Variants in DUSP22 observed in about 807,000 individuals in gnomAD.
The protein encoded by DUSP22 is dual specificity protein phosphatase 22.
A neutral mutation model predicts 24.5 loss-of-function variants in DUSP22; 24 were observed. That is an observed-to-expected ratio of 0.98 (90% CI 0.71 to 1.38). The LOEUF (loss-of-function observed/expected upper bound fraction) is 1.38. Ranked by LOEUF, DUSP22 falls within the 40% of genes most tolerant of loss-of-function variation. The pLI, the probability that DUSP22 is intolerant of heterozygous loss-of-function variation, is 0.00. For missense variants in DUSP22, 330 were observed against 269.2 expected, an observed-to-expected ratio of 1.23 and a Z score of -1.58; for synonymous variants, 160 against 106.4, an observed-to-expected ratio of 1.50 and a Z score of -3.10.
At chr6:348,635 C>T (rs934685091) in intron 6 of DUSP22, 134 bp from the exon 7 acceptor site, 2 of 1,463,914 alleles carry the variant, frequency 1.4e-6, no homozygotes, top group Non-Finnish European at 1.9e-6. Flanking sequence ...CCACAGAGCT[C>T]TGATTTCCCA....
At chr6:308,809 G>A (rs1200188732) in intron 2 of DUSP22, among the ~76,000 whole-genome samples, 3 of 152,302 alleles carry the variant, frequency 2.0e-5, no homozygotes, top group African/African-American at 7.2e-5. Context: ...AAAGCTTTGT[G>A]AAAGGAGAAA....
intron 1 of DUSP22, among the ~76,000 whole-genome samples, 167 bp downstream of exon 1, chr6:292,727 C>T (rs1217608795): frequency 1.3e-5 from 2 of 152,388 alleles, no homozygotes; most frequent in East Asian, 1.9e-4. Flanking sequence ...AGTCGGGGTT[C>T]GGAGGTGTTC....
intron 4 of DUSP22, among the ~76,000 whole-genome samples, chr6:341,285 G>A (rs1299510542): frequency 1.0e-4 from 16 of 152,414 alleles, no homozygotes; most frequent in African/African-American, 3.8e-4. Context: ...CCGATGAAAC[G>A]GAGAGCAGGA....
intron 3 of DUSP22, among the ~76,000 whole-genome samples, chr6:324,583 A>C (rs1487406524): frequency 6.6e-6 from 1 of 152,304 alleles, no homozygotes; most frequent in East Asian, 1.9e-4. Flanking sequence ...CGTGGCACTC[A>C]CCACGTCCAG....
At position 348,285 on chromosome 6, in the gene DUSP22, C is replaced by A. The variant is rs1436581160; in HGVS notation, c.435+11C>A. ...CATGAGGTCCATCAGGTAAGCAGTT[C>A]TTAGGGGACATCAGAGATGCAGGCA... On this transcript the variant is annotated intron_variant, in intron 6 of 6. Coordinates refer to ENST00000419235, the MANE Select transcript of DUSP22 (RefSeq NM_001286555.3). 6.2e-7 allele frequency: 1 copy of A among 1,614,100 alleles called. No homozygotes were observed. The highest frequency in any genetic ancestry group is 1.7e-5 in the Admixed American group (1 of 60,026).
Position 348,838 on chromosome 6 carries a change from C to A in DUSP22, c.505C>A (p.Leu169Met). The A allele has an allele frequency of 6.2e-7, 1 of 1,614,324 alleles. No homozygotes were observed. Among genetic ancestry groups the A allele is most frequent in the Non-Finnish European group, 8.5e-7 (1 of 1,180,062 alleles). Residue 169 changes from leucine (L) to methionine (M), a missense_variant, in exon 7 of 7, where the codon CTG becomes ATG. Transcript: ENST00000419235. ...LQDAEEAKNILGKYKEQGRTE... is the reference protein window; with the variant it reads ...LQDAEEAKNIMGKYKEQGRTE... ...GGATGCAGAAGAAGCCAAAAACATTCTGGGTAAATATAAGGAGCAAGGGCG... is the reference window on the plus strand; with the variant it reads ...GGATGCAGAAGAAGCCAAAAACATTATGGGTAAATATAAGGAGCAAGGGCG...
chr6:297,520 A>T (rs983952423), intron 1 of DUSP22, among the ~76,000 whole-genome samples: 1 of 152,302 alleles, frequency 6.6e-6, no homozygotes, highest in Non-Finnish European at 1.5e-5. Flanking sequence ...ATTTCAGGAT[A>T]ATTACTTGTG....
intron 5 of DUSP22, among the ~76,000 whole-genome samples, chr6:346,206 C>T (rs1465708675): frequency 6.6e-6 from 1 of 152,300 alleles, no homozygotes; most frequent in Admixed American, 6.5e-5. Context: ...CAGAAACTTC[C>T]CTTTGCTGGC....
intron 1 of DUSP22, among the ~76,000 whole-genome samples, chr6:297,545 A>G (rs2127388736): frequency 6.6e-6 from 1 of 152,424 alleles, no homozygotes; most frequent in African/African-American, 2.4e-5. Context: ...TGCCATGTGG[A>G]TTATGAGAGG....
At chr6:294,010 C>T (rs1014820228) in intron 1 of DUSP22, among the ~76,000 whole-genome samples, 1 of 152,278 alleles carries the variant, frequency 6.6e-6, no homozygotes, top group Non-Finnish European at 1.5e-5. Flanking sequence ...CTCAGCTTTC[C>T]TTTGGCTGTT....
intron 2 of DUSP22, among the ~76,000 whole-genome samples, chr6:309,705 CACACACACACACAT>C (rs55675565): frequency 0.033 from 4,351 of 129,924 alleles, no homozygotes; most frequent in Admixed American, 0.078. Context: ...CACACACACA[CACACACACACACAT>C]ACTATAAAGA....
At position 350,027 on chromosome 6, in the gene DUSP22, T is replaced by G; in HGVS notation, c.*1076T>G. On this transcript the variant is annotated 3_prime_UTR_variant, in exon 7 of 7. Transcript: ENST00000419235. Reference sequence around the variant, plus strand: ...TTAGGCACTGTAGCAATTTGCATTTTAAAATGCCTGAGCATTTATTAAGCT... The same window carrying G: ...TTAGGCACTGTAGCAATTTGCATTTGAAAATGCCTGAGCATTTATTAAGCT... The G allele has an allele frequency of 3.0e-6, 3 of 985,680 alleles. No homozygotes were observed. The South Asian group carries it at 1.4e-4, about 46-fold the overall frequency. The allele number at this position is 985,680 out of a possible 1,614,324, so 61.1% of individuals were successfully genotyped here.
At chr6:314,766 G>A (rs1415476393) in intron 3 of DUSP22, among the ~76,000 whole-genome samples, 1 of 152,308 alleles carries the variant, frequency 6.6e-6, no homozygotes, top group Non-Finnish European at 1.5e-5. Context: ...AGACCCCCAT[G>A]GAACATGTCC....
At chr6:299,024 A>G (rs1359529156) in intron 1 of DUSP22, among the ~76,000 whole-genome samples, 1 of 152,298 alleles carries the variant, frequency 6.6e-6, no homozygotes, top group African/African-American at 2.4e-5. Context: ...GTGGGAGGCC[A>G]CTCAGGAACA....
intron 2 of DUSP22, among the ~76,000 whole-genome samples, chr6:305,753 G>C (rs1757790793): frequency 6.6e-6 from 1 of 152,302 alleles, no homozygotes; most frequent in African/African-American, 2.4e-5. Flanking sequence ...GGATGGGAGA[G>C]ACCTGGGAAG....
chr6:299,062 A>T (rs578104178), intron 1 of DUSP22, among the ~76,000 whole-genome samples: 2 of 152,426 alleles, frequency 1.3e-5, no homozygotes, highest in East Asian at 3.9e-4. Flanking sequence ...AAAGAGCAGC[A>T]GTTTCAGAGG....
At chr6:319,311 T>C (rs1268892315) in intron 3 of DUSP22, among the ~76,000 whole-genome samples, 1 of 152,308 alleles carries the variant, frequency 6.6e-6, no homozygotes, top group Non-Finnish European at 1.5e-5. Context: ...GAAGGTGATC[T>C]GTGTTTGGCT....
At chr6:334,881 T>G (rs1251094308) in intron 3 of DUSP22, among the ~76,000 whole-genome samples, 3 of 152,306 alleles carry the variant, frequency 2.0e-5, no homozygotes, top group Non-Finnish European at 4.4e-5. Flanking sequence ...GAATTTTGCC[T>G]AAACCTACAG....
chr6:341,744 GTGGGCTCTAC>G (rs1254635944), intron 4 of DUSP22, among the ~76,000 whole-genome samples: 1 of 152,424 alleles, frequency 6.6e-6, no homozygotes, highest in East Asian at 1.9e-4. Context: ...GCTATGTCCT[GTGGGCTCTAC>G]TGGACTTAAC....
Sources: gnomAD v4.1 joint callset for allele counts (sites outside exome capture counted in the v4.1 genomes callset) on GRCh38, gnomAD v4.1.1 for gene constraint, MANE v1.5 for transcripts, NCBI Gene and HGNC (gene_info 2026-07-23, HGNC 2026-07-21) for gene names.